The following ERI3 variants were observed in gnomAD, a reference collection of about 807,000 sequenced individuals.
ERI3 encodes the protein ERI1 exoribonuclease family member 3.
ERI3 carries 18 observed loss-of-function variants against 44.4 expected under a neutral mutation model. The observed-to-expected ratio is 0.41, with a 90% CI of 0.28 to 0.60. ERI3 has a LOEUF of 0.60. ERI3 is among the 20% of genes least tolerant of loss of function. ERI3 has a pLI of 0.36. For missense variants in ERI3, 294 were observed against 435.5 expected (o/e 0.68, Z 2.89); for synonymous variants, 183 against 164.8 (o/e 1.11, Z -0.84).
chr1:44,317,532 T>C (rs1475753294), intron 4 of ERI3, among the ~76,000 whole-genome samples: 2 of 150,086 alleles, frequency 1.3e-5, no homozygotes, highest in Non-Finnish European at 2.9e-5. Flanking sequence ...TATTCATTCA[T>C]TTAAGGGACA....
intron 6 of ERI3, among the ~76,000 whole-genome samples, chr1:44,305,420 A>G (rs916022231): frequency 6.6e-6 from 1 of 152,240 alleles, no homozygotes; most frequent in African/African-American, 2.4e-5. Flanking sequence ...AAGCAAGGCG[A>G]AGAAAAAGTG....
At chr1:44,262,824 T>C (rs1644921219) in intron 7 of ERI3, among the ~76,000 whole-genome samples, 3 of 152,176 alleles carry the variant, frequency 2.0e-5, no homozygotes, top group African/African-American at 7.2e-5. Flanking sequence ...ACTGACACTC[T>C]CCAGATTCTT....
rs1572369082 is a variant in ERI3 at position 44,355,161 on chromosome 1, A to C, written c.-135T>G. ...GCCCGCGCCGACTGCGGCGCCGGCC[A>C]GGCAGAGGCAGGGCCAGCTCCGCCC... On this transcript the variant is annotated 5_prime_UTR_variant, in exon 1 of 9. Coordinates refer to ENST00000372257, the MANE Select transcript of ERI3 (RefSeq NM_024066.3). The C allele has an allele frequency of 8.3e-7, 1 of 1,211,286 alleles. No homozygotes were observed. Among genetic ancestry groups the C allele is most frequent in the Non-Finnish European group, 1.0e-6 (1 of 973,010 alleles). The allele number at this position is 1,211,286 out of a possible 1,614,324, so 75.0% of individuals were successfully genotyped here.
chr1:44,245,693 T>C (rs1644540489), intron 8 of ERI3, among the ~76,000 whole-genome samples: 1 of 152,036 alleles, frequency 6.6e-6, no homozygotes, highest in African/African-American at 2.4e-5. Flanking sequence ...TAACCTAGGG[T>C]CAACAGGTGA....
At chr1:44,266,406 A>G (rs1644991883) in intron 7 of ERI3, among the ~76,000 whole-genome samples, 2 of 152,178 alleles carry the variant, frequency 1.3e-5, no homozygotes, top group African/African-American at 4.8e-5. Flanking sequence ...CAGGCTAGAG[A>G]GCTTATACTT....
intron 3 of ERI3, among the ~76,000 whole-genome samples, chr1:44,330,586 G>A (rs549465105): frequency 4.2e-4 from 64 of 152,272 alleles, no homozygotes; most frequent in African/African-American, 1.5e-3. Flanking sequence ...ACATATAAAC[G>A]CTTTTCTGCC....
intron 8 of ERI3, among the ~76,000 whole-genome samples, chr1:44,233,693 A>G (rs1196094148): frequency 6.6e-6 from 1 of 152,002 alleles, no homozygotes; most frequent in Middle Eastern, 3.2e-3. Flanking sequence ...ATACAGCTTC[A>G]CTTTTTTCTT....
intron 7 of ERI3, among the ~76,000 whole-genome samples, chr1:44,258,473 C>CCT (rs1358027176): frequency 6.6e-6 from 1 of 152,146 alleles, no homozygotes; most frequent in Non-Finnish European, 1.5e-5. Flanking sequence ...CCCAGATCCC[C>CCT]CTCCCTCTTC....
chr1:44,299,734 A>G (rs1251490528), intron 6 of ERI3, among the ~76,000 whole-genome samples: 3 of 152,004 alleles, frequency 2.0e-5, no homozygotes, highest in Non-Finnish European at 4.4e-5. Flanking sequence ...CGGGTCCCCC[A>G]CCTAGGAGGT....
Position 44,318,470 on chromosome 1 carries a change from C to T in ERI3, c.606+1158G>A, listed in dbSNP as rs112012026. Among the ~76,000 whole-genome samples the T allele has an allele frequency of 9.7e-4, 148 of 152,320 alleles. 1 individual carries two copies. Among genetic ancestry groups the T allele is most frequent in the African/African-American group, 3.3e-3 (136 of 41,564 alleles). On this transcript the variant is annotated intron_variant, in intron 4 of 8. Coordinates refer to ENST00000372257, the MANE Select transcript of ERI3 (RefSeq NM_024066.3). ...AAATCCCAGGGGAAAGGGGAAACCC[C>T]GGCAGAGGAAGGCGAAAACCAGAAC...
intron 6 of ERI3, among the ~76,000 whole-genome samples, chr1:44,289,131 T>A (rs1645453582): frequency 6.6e-6 from 1 of 152,204 alleles, no homozygotes; most frequent in African/African-American, 2.4e-5. Context: ...AGGGCCGGAA[T>A]GACATCACTG....
intron 3 of ERI3, among the ~76,000 whole-genome samples, chr1:44,322,218 G>C (rs1646217604): frequency 6.6e-6 from 1 of 152,086 alleles, no homozygotes. Context: ...TGGAAACTTG[G>C]CCTTTGGGTT....
At chr1:44,322,181 C>A (rs1184957187) in intron 3 of ERI3, among the ~76,000 whole-genome samples, 1 of 152,092 alleles carries the variant, frequency 6.6e-6, no homozygotes, top group Non-Finnish European at 1.5e-5. Flanking sequence ...CTGACCAGCA[C>A]CAAGTCAACA....
At chr1:44,310,651 T>C (rs1645935405) in intron 5 of ERI3, among the ~76,000 whole-genome samples, 1 of 152,120 alleles carries the variant, frequency 6.6e-6, no homozygotes, top group South Asian at 2.1e-4. Flanking sequence ...TTCTAGCAGG[T>C]ATAGGCTGGC....
intron 6 of ERI3, among the ~76,000 whole-genome samples, chr1:44,307,500 T>C (rs1260181598): frequency 2.6e-5 from 4 of 152,160 alleles, no homozygotes; most frequent in Admixed American, 2.6e-4. Flanking sequence ...ATCGATTCTA[T>C]GACTCCTCAG....
chr1:44,310,528 A>T (rs1645931704), intron 5 of ERI3, among the ~76,000 whole-genome samples: 1 of 152,176 alleles, frequency 6.6e-6, no homozygotes, highest in African/African-American at 2.4e-5. Context: ...CAGTATATAG[A>T]AAGAAAGGAC....
At chr1:44,270,681 C>A (rs1351768978) in intron 7 of ERI3, among the ~76,000 whole-genome samples, 1 of 151,834 alleles carries the variant, frequency 6.6e-6, no homozygotes, top group Non-Finnish European at 1.5e-5. Context: ...CAGCAGCCAG[C>A]AAGAGAAGGC....
intron 3 of ERI3, among the ~76,000 whole-genome samples, chr1:44,329,914 G>C (rs1646394557): frequency 6.6e-6 from 1 of 152,130 alleles, no homozygotes; most frequent in East Asian, 1.9e-4. Context: ...AGCTACATAA[G>C]AACATGGTTC....
chr1:44,303,903 T>C (rs1645778664), intron 6 of ERI3, among the ~76,000 whole-genome samples: 1 of 152,056 alleles, frequency 6.6e-6, no homozygotes, highest in Non-Finnish European at 1.5e-5. Flanking sequence ...AAGAAGAATA[T>C]GATCATCTTG....
Sources: gnomAD v4.1 joint callset for allele counts (sites outside exome capture counted in the v4.1 genomes callset) on GRCh38, gnomAD v4.1.1 for gene constraint, MANE v1.5 for transcripts, NCBI Gene and HGNC (gene_info 2026-07-23, HGNC 2026-07-21) for gene names.